Variants in GPRC5C observed in about 807,000 individuals in gnomAD.
GPRC5C encodes the protein G protein-coupled receptor family C group 5 member C.
In GPRC5C, 22 loss-of-function variants were observed where a neutral mutation model predicts 31.4. That is an observed-to-expected ratio of 0.70 (90% confidence interval 0.50 to 1.00). The LOEUF is 1.00. Ranked by LOEUF, GPRC5C falls within the 50% of genes least tolerant of loss-of-function variation. The pLI is 0.00. For missense variants in GPRC5C, 557 were observed against 597.2 expected (o/e 0.93, Z 0.70); for synonymous variants, 249 against 257.5 (o/e 0.97, Z 0.32).
downstream of GPRC5C, chr17:74,451,130 C>T (rs1451827733): frequency 6.6e-6 from 1 of 152,232 alleles, no homozygotes; most frequent in African/African-American, 2.4e-5. Flanking sequence ...AAGCAGGGAG[C>T]TCTGTGGACC....
intron 1 of GPRC5C, among the ~76,000 whole-genome samples, chr17:74,434,751 T>G (rs2055406999): frequency 6.6e-6 from 1 of 152,012 alleles, no homozygotes; most frequent in South Asian, 2.1e-4. Context: ...AGTGAAACCC[T>G]GTCTCTACTA....
At position 74,446,519 on chromosome 17, in the gene GPRC5C, C is replaced by G. The variant is rs554852588; in HGVS notation, c.1147-330C>G. Reference sequence around the variant, plus strand: ...CTATGTCAGACAGGTAGTAGCAGCTCTGTGTGGCTGACTCTCCACTGGCCC... The same window carrying G: ...CTATGTCAGACAGGTAGTAGCAGCTGTGTGTGGCTGACTCTCCACTGGCCC... On this transcript the variant is annotated intron_variant, in intron 3 of 3. Transcript: ENST00000392627. 6 of 243,812 alleles carry G rather than the reference C, an allele frequency of 2.5e-5. No individual in the cohort carries two copies. In the South Asian group the frequency reaches 7.5e-4, roughly 31 times the overall value. 15.1% of individuals were successfully genotyped at this position (243,812 alleles called of 1,614,324 possible).
chr17:74,448,513 G>A (rs986007402), downstream of GPRC5C, among the ~76,000 whole-genome samples: 1 of 152,136 alleles, frequency 6.6e-6, no homozygotes, highest in Non-Finnish European at 1.5e-5. Context: ...GAGTAGCTGG[G>A]ATTATAGACA....
chr17:74,439,603 TAAG>T (rs1412343006), intron 1 of GPRC5C, 139 bp from the exon 2 acceptor site: 2 of 756,570 alleles, frequency 2.6e-6, no homozygotes, highest in Non-Finnish European at 2.2e-6. Flanking sequence ...GGTTCTATGT[TAAG>T]AAGGATTCTG....
Position 74,439,749 on chromosome 17 carries a change from C to A in GPRC5C, c.-28C>A, listed in dbSNP as rs372903168. 1.4e-5 allele frequency: 23 copies of A among 1,603,478 alleles called. No individual in the cohort carries two copies. The African/African-American group carries it at 3.1e-4, about 22-fold the overall frequency. Reference sequence around the variant, plus strand: ...CCCTTTTCCTTCTGTCTCTAGGGACCCAACCAGAGCCTGGCCTGGGAGCCA... The same window carrying A: ...CCCTTTTCCTTCTGTCTCTAGGGACACAACCAGAGCCTGGCCTGGGAGCCA... On this transcript the variant is annotated 5_prime_UTR_variant, in exon 2 of 4. Transcript: ENST00000392627.
chr17:74,432,285 G>C, intron 1 of GPRC5C, 144 bp downstream of exon 1: 1 of 1,474,446 alleles, frequency 6.8e-7, no homozygotes, highest in Non-Finnish European at 9.0e-7. Context: ...CTCGCCGAAA[G>C]CAAGGAGCCC....
intron 1 of GPRC5C, chr17:74,433,847 G>C: frequency 1.1e-6 from 1 of 943,670 alleles, no homozygotes; most frequent in Non-Finnish European, 1.8e-6. Flanking sequence ...GGGGGTCTCA[G>C]GCTTGTGTGT....
intron 3 of GPRC5C, 74 bp from the exon 4 acceptor site, chr17:74,446,775 A>T (rs1008875222): frequency 1.5e-5 from 17 of 1,147,648 alleles, no homozygotes; most frequent in Non-Finnish European, 2.2e-5. Flanking sequence ...CCCTGCAGGA[A>T]GTGTTTGTGC....
downstream of GPRC5C, chr17:74,449,916 G>A (rs2055696655): frequency 6.5e-6 from 1 of 153,232 alleles, no homozygotes; most frequent in African/African-American, 2.4e-5. Context: ...ACTGTGGAAG[G>A]CCACTGAGAT....
intron 1 of GPRC5C, among the ~76,000 whole-genome samples, chr17:74,438,206 C>CATATATATATAT (rs71157066): frequency 2.0e-4 from 9 of 45,272 alleles, no homozygotes; most frequent in Middle Eastern, 0.015. Flanking sequence ...TCTGCTAATT[C>CATATATATATAT]ATATATATAT....
rs1336308504 is a variant in GPRC5C, at chr17:74,440,548, G to C, written c.772G>C (p.Val258Leu). The C allele has an allele frequency of 6.2e-7, 1 of 1,614,210 alleles. No individual in the cohort carries two copies. Among genetic ancestry groups the C allele is most frequent in the South Asian group, 1.1e-5 (1 of 91,092 alleles). Residue 258 changes from valine (V) to leucine (L), a missense_variant, in exon 2 of 4, where the codon GTG (valine) becomes CTG (leucine). Physicochemically the swap from Val to Leu is conservative, Grantham distance 32. Coordinates refer to ENST00000392627, the MANE Select transcript of GPRC5C (RefSeq NM_022036.4). The surrounding 1 kb of genome is among the most constrained non-coding windows in gnomAD (Gnocchi z 4.4). ...TTATSVAIWV[V>L]WIVMYTYGNK... Reference sequence around the variant, plus strand: ...AGCCACCTCCGTTGCCATATGGGTGGTGTGGATCGTCATGTATACTTACGG... The same window carrying C: ...AGCCACCTCCGTTGCCATATGGGTGCTGTGGATCGTCATGTATACTTACGG...
chr17:74,439,760 C>A lies in GPRC5C; in HGVS notation c.-17C>A, dbSNP rs749410790. 3 of 1,607,964 alleles carry A rather than the reference C, an allele frequency of 1.9e-6. No individual in the cohort carries two copies. The highest frequency in any genetic ancestry group is 2.6e-6 in the Non-Finnish European group (3 of 1,176,256). On this transcript the variant is annotated 5_prime_UTR_variant, in exon 2 of 4. It adds an upstream start codon to the 5' untranslated region. Coordinates refer to ENST00000392627, the MANE Select transcript of GPRC5C (RefSeq NM_022036.4). ...CTGTCTCTAGGGACCCAACCAGAGC[C>A]TGGCCTGGGAGCCAGGATGGCCATC...
downstream of GPRC5C, among the ~76,000 whole-genome samples, chr17:74,447,849 AG>A (rs1256367777): frequency 2.0e-5 from 3 of 152,200 alleles, no homozygotes; most frequent in African/African-American, 7.2e-5. Context: ...AAGATCCCAT[AG>A]CGGACAAAGT....
chr17:74,451,325 C>CA (rs2055711297), downstream of GPRC5C: 1 of 152,188 alleles, frequency 6.6e-6, no homozygotes, highest in Admixed American at 6.5e-5. Flanking sequence ...GCGTGAGGCT[C>CA]AGGGAGGGAT....
downstream of GPRC5C, chr17:74,449,301 C>A (rs192455329): frequency 6.8e-4 from 857 of 1,260,018 alleles, 6 homozygotes; most frequent in Non-Finnish European, 9.1e-5. Flanking sequence ...GCAGTAGAGT[C>A]CCCTTTGACT....
chr17:74,447,021 G>A lies in GPRC5C; in HGVS notation c.1319G>A (p.Trp440Ter). The A allele has an allele frequency of 6.2e-7, 1 of 1,610,914 alleles. No individual in the cohort carries two copies. The highest frequency in any genetic ancestry group is 8.5e-7 in the Non-Finnish European group (1 of 1,177,406). Reference protein sequence around the residue: ...NSQVFRNPYVWD With the variant: ...NSQVFRNPYV ...CAGGTCTTTAGAAACCCCTACGTGTGGGACTGAGTCAGCGGTGGCGAGGAG... is the reference window on the plus strand; with the variant it reads ...CAGGTCTTTAGAAACCCCTACGTGTAGGACTGAGTCAGCGGTGGCGAGGAG... Residue 440 changes from tryptophan (W) to a stop codon, truncating the protein, a stop_gained, in exon 4 of 4, where the codon TGG (tryptophan) becomes TAG (stop). Coordinates refer to ENST00000392627, the MANE Select transcript of GPRC5C (RefSeq NM_022036.4). LOFTEE classifies it high-confidence loss of function.
downstream of GPRC5C, among the ~76,000 whole-genome samples, chr17:74,449,131 A>G (rs1324314871): frequency 6.6e-6 from 1 of 152,146 alleles, no homozygotes; most frequent in Non-Finnish European, 1.5e-5. Flanking sequence ...AAGGGAGAGA[A>G]AGGTTGCTGG....
In GPRC5C at chr17:74,440,719, G is replaced by T. The variant is rs1191080764; in HGVS notation, c.943G>T (p.Asp315Tyr). 1 of 1,602,400 alleles carries T rather than the reference G, an allele frequency of 6.2e-7. No individual in the cohort carries two copies. Among genetic ancestry groups the T allele is most frequent in the Non-Finnish European group, 8.5e-7 (1 of 1,171,488 alleles). The change falls in exon 2 of 4, where the codon GAC (aspartate) becomes TAC (tyrosine). Residue 315 changes from aspartate (D) to tyrosine (Y), a missense_variant. Physicochemically the swap from Asp to Tyr is radical, Grantham distance 160 (BLOSUM62 -3). Coordinates refer to ENST00000392627, the MANE Select transcript of GPRC5C (RefSeq NM_022036.4). This position sits in a 1 kb window ranked among gnomAD's most constrained non-coding sequence, Gnocchi z 4.4. ...KSSPEQSYQG[D>Y]MYPTRGVGYE... Reference sequence around the variant, plus strand: ...CAGCCCAGAGCAAAGCTACCAGGGGGACATGTACCCCACCCGGGGCGTGGG... The same window carrying T: ...CAGCCCAGAGCAAAGCTACCAGGGGTACATGTACCCCACCCGGGGCGTGGG...
At chr17:74,449,252 AAC>A (rs2055686466), downstream of GPRC5C, 1 of 701,418 alleles carries the variant, frequency 1.4e-6, no homozygotes, top group Non-Finnish European at 2.2e-6. Flanking sequence ...TGGGGACTGA[AAC>A]ACTATTTTTA....
Sources: allele counts gnomAD v4.1 joint callset (sites outside exome capture counted in the v4.1 genomes callset), GRCh38; gene constraint gnomAD v4.1.1; non-coding constraint Gnocchi (gnomAD v3.1); transcripts MANE v1.5; gene names NCBI Gene and HGNC (gene_info 2026-07-23, HGNC 2026-07-21).